The following MFAP4 variants were observed in gnomAD, a reference collection of about 807,000 sequenced individuals.
The protein encoded by MFAP4 is microfibril associated protein 4, also known as microfibril-associated glycoprotein 4.
In MFAP4, 20 loss-of-function variants were observed where a neutral mutation model predicts 32.4. That is an observed-to-expected ratio of 0.62 (90% CI 0.43 to 0.90). MFAP4 has a LOEUF of 0.90. Among genes scored for constraint, MFAP4 ranks in the 40% least tolerant of loss-of-function variants. The pLI is 0.00. For missense variants in MFAP4, 267 were observed against 329.5 expected (o/e 0.81, Z 1.47); for synonymous variants, 146 against 137.4 (o/e 1.06, Z -0.44).
intron 2 of MFAP4, 126 bp downstream of exon 2, chr17:19,386,634 T>G: frequency 7.8e-7 from 1 of 1,280,876 alleles, no homozygotes; most frequent in Non-Finnish European, 1.1e-6. Context: ...ATCTGCCCCA[T>G]TTTGTAAAGG....
intron 1 of MFAP4, 23 bp downstream of exon 1, chr17:19,387,127 T>TC (rs778644909): frequency 6.2e-7 from 1 of 1,611,364 alleles, no homozygotes; most frequent in Admixed American, 1.7e-5. Flanking sequence ...ATGCTATGAG[T>TC]CCCCCGACCC....
At chr17:19,387,056 T>C in intron 1 of MFAP4, 94 bp downstream of exon 1, 4 of 1,436,214 alleles carry the variant, frequency 2.8e-6, no homozygotes, top group Non-Finnish European at 3.7e-6. Context: ...TCAAGAGAAC[T>C]CCTTGTGCCT....
In MFAP4 at chr17:19,385,106, G is replaced by A. The variant is rs369140589; in HGVS notation, c.513C>T (p.Gly171=). Residue 171 remains glycine (G), a synonymous_variant, in exon 5 of 6, where the codon GGC becomes GGT. Transcript: ENST00000299610. ...GCTAACAGCGGGTTATACCTGCCCC[G>A]CCATCCTCAAAGCCTGCCACAAAGA... ...YTLFVAGFED[G]GAGDSLSYHS... 113 of 1,613,374 alleles carry A rather than the reference G, an allele frequency of 7.0e-5. No individual in the cohort carries two copies. The highest frequency in any genetic ancestry group is 6.8e-5 in the Non-Finnish European group (80 of 1,179,520).
Position 19,384,211 on chromosome 17 carries a change from C to T in MFAP4, c.*251G>A, listed in dbSNP as rs1912936632. 1 of 507,936 alleles carries T rather than the reference C, an allele frequency of 2.0e-6. No individual in the cohort carries two copies. Among genetic ancestry groups the T allele is most frequent in the Non-Finnish European group, 3.6e-6 (1 of 278,952 alleles). 31.5% of individuals were successfully genotyped at this position (507,936 alleles called of 1,614,324 possible). A position where few individuals can be genotyped will look rare whatever the true frequency, so the allele number is the denominator to read the frequency against. On this transcript the variant is annotated 3_prime_UTR_variant, in exon 6 of 6. Coordinates refer to ENST00000299610, the MANE Select transcript of MFAP4 (RefSeq NM_002404.3). ...AGCCCAGCCAGGTCCAGGCTAGAAC[C>T]ATGTGCCTCTCGGAAGAGGCCTGGG... is the stretch of plus-strand genomic sequence containing the variant.
intron 3 of MFAP4, among the ~76,000 whole-genome samples, chr17:19,386,026 G>A (rs1051137447): frequency 2.6e-5 from 4 of 152,242 alleles, no homozygotes; most frequent in African/African-American, 7.2e-5. Flanking sequence ...GCCTGAGGCA[G>A]GAGAATCTTT....
intron 1 of MFAP4, 47 bp downstream of exon 1, chr17:19,387,103 G>A: frequency 1.2e-6 from 2 of 1,612,934 alleles, no homozygotes; most frequent in Non-Finnish European, 1.7e-6. Flanking sequence ...CTCTGGAGTG[G>A]GCTCAGTTCC....
At position 19,385,363 on chromosome 17, in the gene MFAP4, C is replaced by T; in HGVS notation, c.332G>A (p.Trp111Ter). 6.2e-7 allele frequency: 1 copy of T among 1,614,260 alleles called. No individual in the cohort carries two copies. Among genetic ancestry groups the T allele is most frequent in the Non-Finnish European group, 8.5e-7 (1 of 1,180,046 alleles). ...CCACCTGGTCCCTGCCTTACCCAGC[C>T]AGTACTCTCCATCAGCACGGCCGAA... is the stretch of plus-strand genomic sequence containing the variant. ...LGFGRADGEY[W>*]LGLQNMHLLT... Residue 111 changes from tryptophan to a stop codon, truncating the protein, a stop_gained, in exon 4 of 6, where the codon TGG (tryptophan) becomes TAG (stop). Transcript: ENST00000299610. LOFTEE classifies it high-confidence loss of function.
At position 19,384,699 on chromosome 17, in the gene MFAP4, C is replaced by T; in HGVS notation, c.531G>A (p.Leu177=). 1 of 1,614,092 alleles carries T rather than the reference C, an allele frequency of 6.2e-7. No homozygotes were observed. Among genetic ancestry groups the T allele is most frequent in the South Asian group, 1.1e-5 (1 of 91,086 alleles). ...AGAACTTCTGGCCACTGTGGTAGGA[C>T]AGGGAGTCACCTGGCAGAGGAGAGA... ...GFEDGGAGDS[L]SYHSGQKFST... The change falls in exon 6 of 6, where the codon CTG becomes CTA. Residue 177 remains leucine (L), a synonymous_variant. Coordinates refer to ENST00000299610, the MANE Select transcript of MFAP4 (RefSeq NM_002404.3).
chr17:19,385,000 T>C (rs934148655), intron 5 of MFAP4, 99 bp downstream of exon 5: 13 of 1,429,844 alleles, frequency 9.1e-6, no homozygotes, highest in South Asian at 2.7e-5. Flanking sequence ...TCCAGAAGGG[T>C]TGAAGGAGGG....
In MFAP4 at chr17:19,384,670, G is replaced by A; in HGVS notation, c.560C>T (p.Thr187Ile). ...LSYHSGQKFSTFDRDQDLFVQ... is the reference protein window; with the variant it reads ...LSYHSGQKFSIFDRDQDLFVQ... ...AAAGAGGTCCTGGTCCCGGTCGAAG[G>A]TAGAGAACTTCTGGCCACTGTGGTA... The change falls in exon 6 of 6, where the codon ACC becomes ATC. Residue 187 changes from threonine to isoleucine, a missense_variant. Thr to Ile is a moderately conservative substitution (Grantham distance 89, BLOSUM62 -1). Transcript: ENST00000299610. The A allele has an allele frequency of 6.2e-7, 1 of 1,614,198 alleles. No individual in the cohort carries two copies. The highest frequency in any genetic ancestry group is 2.2e-5 in the East Asian group (1 of 44,876).
chr17:19,386,625 T>C (rs1913046137), intron 2 of MFAP4, 135 bp downstream of exon 2: 1 of 1,238,904 alleles, frequency 8.1e-7, no homozygotes, highest in Non-Finnish European at 1.2e-6. Context: ...ATGTCATCCA[T>C]CTGCCCCATT....
chr17:19,386,837 G>T lies in MFAP4; in HGVS notation c.8C>A (p.Ala3Glu), dbSNP rs1399872343. Residue 3 changes from alanine (A) to glutamate (E), a missense_variant and splice_region_variant, in exon 2 of 6, where the codon GCA (alanine) becomes GAA (glutamate). Physicochemically the swap from Ala to Glu is moderately radical, Grantham distance 107. This residue lies in a region of MFAP4 where 223 missense variants were observed against 253.3 expected (regional missense o/e 0.88). Coordinates refer to ENST00000299610, the MANE Select transcript of MFAP4 (RefSeq NM_002404.3). ...CAGCAGCAGCGGCAGGGCCAGGAGTGCCTGGCGATGGGCAGACAGGGTCAG... is the reference window on the plus strand; with the variant it reads ...CAGCAGCAGCGGCAGGGCCAGGAGTTCCTGGCGATGGGCAGACAGGGTCAG... Reference protein sequence around the residue: MKALLALPLLLLL... With the variant: MKELLALPLLLLL... 9 of 1,559,386 alleles carry T rather than the reference G, an allele frequency of 5.8e-6. No individual in the cohort carries two copies. The African/African-American group carries it at 9.5e-5, about 17-fold the overall frequency.
At chr17:19,384,887 C>T (rs1387813849) in intron 5 of MFAP4, among the ~76,000 whole-genome samples, 178 bp from the exon 6 acceptor site, 2 of 152,252 alleles carry the variant, frequency 1.3e-5, no homozygotes, top group East Asian at 3.8e-4. Context: ...GAAACAGCTG[C>T]TCCACCACAG....
chr17:19,387,106 T>C, intron 1 of MFAP4, 44 bp downstream of exon 1: 1 of 1,612,746 alleles, frequency 6.2e-7, no homozygotes, highest in Non-Finnish European at 8.5e-7. Flanking sequence ...TGGAGTGGGC[T>C]CAGTTCCCCC....
rs1236663943 is a variant in MFAP4 at position 19,384,561 on chromosome 17, A to G, written c.669T>C (p.Gly223=). ...HFANLNGFYL[G]GSHLSYANGI... is the part of the protein sequence containing the mutation. ...CATTGGCATAAGAGAGGTGGGAGCC[A>G]CCTAGGTAGAAGCCATTGAGGTTGG... The change falls in exon 6 of 6, where the codon GGT becomes GGC. Residue 223 remains glycine (G), a synonymous_variant. Coordinates refer to ENST00000299610, the MANE Select transcript of MFAP4 (RefSeq NM_002404.3). 1.9e-6 allele frequency: 3 copies of G among 1,614,112 alleles called. No homozygotes were observed. Among genetic ancestry groups the G allele is most frequent in the South Asian group, 1.1e-5 (1 of 91,088 alleles).
chr17:19,386,783 T>C lies in MFAP4; in HGVS notation c.62A>G (p.Gln21Arg). 6.3e-7 allele frequency: 1 copy of C among 1,576,784 alleles called. No homozygotes were observed. The highest frequency in any genetic ancestry group is 1.8e-5 in the Admixed American group (1 of 54,286). Residue 21 changes from glutamine to arginine, a missense_variant, in exon 2 of 6, where the codon CAG (glutamine) becomes CGG (arginine). By Grantham distance (43) the Gln-to-Arg change is conservative (BLOSUM62 1). Coordinates refer to ENST00000299610, the MANE Select transcript of MFAP4 (RefSeq NM_002404.3). Reference protein sequence around the residue: ...LLLSTPPCAPQVSGIRGDALE... With the variant: ...LLLSTPPCAPRVSGIRGDALE... ...ACCATCTCCTCGGATCCCGGAGACC[T>C]GGGGGGCACACGGGGGCGTGGAGAG...
At position 19,385,090 on chromosome 17, in the gene MFAP4, G is replaced by A. The variant is rs772700654; in HGVS notation, c.520+9C>T. 22 of 1,610,192 alleles carry A rather than the reference G, an allele frequency of 1.4e-5. No individual in the cohort carries two copies. Among genetic ancestry groups the A allele is most frequent in the Admixed American group, 5.0e-5 (3 of 59,906 alleles). On this transcript the variant is annotated intron_variant, in intron 5 of 5. Transcript: ENST00000299610. ...CACAGCCCCTCCCAAAGCTAACAGC[G>A]GGTTATACCTGCCCCGCCATCCTCA...
rs1420713255 is a variant in MFAP4, at chr17:19,384,399, AG to A, written c.*62del. On this transcript the variant is annotated 3_prime_UTR_variant, in exon 6 of 6. Transcript: ENST00000299610. ...CAGAAGCATGCATCAGGGGCAGCAG[AG>A]GGAGCACTCATGGAGACCATGGGTG... The A allele has an allele frequency of 8.6e-6, 13 of 1,515,976 alleles. No homozygotes were observed. The African/African-American group carries it at 1.1e-4, about 13-fold the overall frequency. The allele number at this position is 1,515,976 out of a possible 1,614,324, so 93.9% of individuals were successfully genotyped here. A position where few individuals can be genotyped will look rare whatever the true frequency, so the allele number is the denominator to read the frequency against.
rs777695236 is a variant in MFAP4, at chr17:19,384,601, C to T, written c.629G>A (p.Arg210His). Residue 210 changes from arginine to histidine, a missense_variant, in exon 6 of 6, where the codon CGC (arginine) becomes CAC (histidine). Arg to His is a conservative substitution (Grantham distance 29, BLOSUM62 0). Around this residue, in one of 3 missense-constraint regions of MFAP4, gnomAD observed 25 missense variants for 57.5 expected, o/e 0.43. Coordinates refer to ENST00000299610, the MANE Select transcript of MFAP4 (RefSeq NM_002404.3). Reference protein sequence around the residue: ...AALSSGAFWFRSCHFANLNGF... With the variant: ...AALSSGAFWFHSCHFANLNGF... ...ATTGAGGTTGGCAAAGTGGCAGCTG[C>T]GGAACCAGAAGGCTCCTGAGGAGAG... 18 of 1,613,960 alleles carry T rather than the reference C, an allele frequency of 1.1e-5. No individual in the cohort carries two copies. Among genetic ancestry groups the T allele is most frequent in the African/African-American group, 5.3e-5 (4 of 74,900 alleles).
Sources: allele counts gnomAD v4.1 joint callset (sites outside exome capture counted in the v4.1 genomes callset), GRCh38; gene constraint gnomAD v4.1.1; regional missense constraint gnomAD v4.1.1; transcripts MANE v1.5; gene names NCBI Gene and HGNC (gene_info 2026-07-23, HGNC 2026-07-21).